The following SOX5 variants were observed in gnomAD, a reference collection of about 807,000 sequenced individuals.
The protein encoded by SOX5 is SRY-box transcription factor 5.
SOX5 carries 9 observed loss-of-function variants against 92.0 expected under a neutral mutation model. The observed-to-expected ratio is 0.10, with a 90% CI of 0.06 to 0.17. The LOEUF (loss-of-function observed/expected upper bound fraction) is 0.17, where lower values mean the gene tolerates loss of function less well. Ranked by LOEUF, SOX5 falls within the 10% of genes least tolerant of loss-of-function variation. The probability of loss-of-function intolerance (pLI) is 1.00; values close to 1 mark genes in which losing one functional copy is unlikely to be tolerated. For missense variants in SOX5, 642 were observed against 944.5 expected (o/e 0.68, Z 4.20); for synonymous variants, 344 against 336.3 (o/e 1.02, Z -0.25).
intron 4 of SOX5, among the ~76,000 whole-genome samples, chr12:24,002,616 A>G (rs1951723591): frequency 7.3e-6 from 1 of 136,854 alleles, no homozygotes; most frequent in Non-Finnish European, 1.6e-5. Context: ...TTCTTCCAAA[A>G]AAAAACCTGC....
chr12:24,293,615 A>C (rs751611116), intron 2 of SOX5, among the ~76,000 whole-genome samples: 1 of 152,208 alleles, frequency 6.6e-6, no homozygotes, highest in Admixed American at 6.5e-5. Context: ...GAATCTTCAC[A>C]GATTATATAA....
rs2094595367 is a variant in SOX5, at chr12:23,762,658, A to G, written c.482-6934T>C. 22 of 483,654 alleles carry G rather than the reference A, an allele frequency of 4.5e-5. No individual in the cohort carries two copies. In the South Asian group the frequency reaches 7.7e-4, roughly 17 times the overall value. 30.0% of individuals were successfully genotyped at this position (483,654 alleles called of 1,614,324 possible). A position where few individuals can be genotyped will look rare whatever the true frequency, so the allele number is the denominator to read the frequency against. ...GCTGACTCAAGTTTTACAATTTTTA[A>G]TGTGAAGTTTTTAGAAAAATGTAAT... On this transcript the variant is annotated intron_variant, in intron 3 of 14. Transcript: ENST00000451604.
chr12:23,633,553 G>C (rs1489874554), intron 8 of SOX5, among the ~76,000 whole-genome samples: 1 of 151,888 alleles, frequency 6.6e-6, no homozygotes, highest in African/African-American at 2.4e-5. Flanking sequence ...TAATAAATAA[G>C]TAAATATCTA....
intron 13 of SOX5, among the ~76,000 whole-genome samples, chr12:23,538,715 G>C (rs548959261): frequency 6.6e-6 from 1 of 151,498 alleles, no homozygotes; most frequent in South Asian, 2.1e-4. Context: ...GGAATACACT[G>C]ATAAATGGAT....
At chr12:24,209,396 A>C (rs1958354035) in intron 4 of SOX5, among the ~76,000 whole-genome samples, 1 of 152,242 alleles carries the variant, frequency 6.6e-6, no homozygotes, top group African/African-American at 2.4e-5. Context: ...AATGATTCTT[A>C]TTCTTATGAC....
At chr12:24,118,073 A>G (rs1948242686) in intron 4 of SOX5, among the ~76,000 whole-genome samples, 1 of 151,340 alleles carries the variant, frequency 6.6e-6, no homozygotes. Context: ...AACAGAGAGT[A>G]GAAAAGTGGT....
At chr12:24,140,028 A>G (rs2138639020) in intron 4 of SOX5, among the ~76,000 whole-genome samples, 1 of 152,324 alleles carries the variant, frequency 6.6e-6, no homozygotes, top group East Asian at 1.9e-4. Context: ...TGTTTTTCCT[A>G]AATGAACAGA....
intron 7 of SOX5, among the ~76,000 whole-genome samples, chr12:23,664,955 A>G (rs190373501): frequency 6.6e-6 from 1 of 152,292 alleles, no homozygotes; most frequent in Admixed American, 6.5e-5. Flanking sequence ...AGCACTTCAC[A>G]ATATGAAGGA....
chr12:24,095,122 CACACACAGAGAGAGAG>C (rs776392699), intron 4 of SOX5, among the ~76,000 whole-genome samples: 40 of 93,978 alleles, frequency 4.3e-4, no homozygotes, highest in South Asian at 9.3e-4. Flanking sequence ...CACACACACA[CACACACAGAGAGAGAG>C]AGAGAGAGAG....
intron 4 of SOX5, among the ~76,000 whole-genome samples, chr12:23,750,524 C>T (rs2094148994): frequency 6.6e-6 from 1 of 151,654 alleles, no homozygotes; most frequent in Admixed American, 6.6e-5. Flanking sequence ...ATTGCATTAC[C>T]CAATAGTCTG....
intron 1 of SOX5, among the ~76,000 whole-genome samples, chr12:24,409,966 C>T (rs74888294): frequency 6.7e-6 from 1 of 149,294 alleles, no homozygotes; most frequent in African/African-American, 2.4e-5. Flanking sequence ...TGTAGCTTGG[C>T]TTTTCGTCCT....
intron 6 of SOX5, among the ~76,000 whole-genome samples, chr12:23,721,235 G>A (rs963437852): frequency 4.0e-5 from 6 of 151,888 alleles, no homozygotes; most frequent in Admixed American, 6.6e-5. Context: ...ACAGGCATGC[G>A]CCACCATGCC....
intron 1 of SOX5, among the ~76,000 whole-genome samples, chr12:23,948,600 C>CTT (rs879891525): frequency 7.1e-6 from 1 of 141,548 alleles, no homozygotes; most frequent in Non-Finnish European, 1.6e-5. Flanking sequence ...CTTTTTTTAG[C>CTT]TTTTTTTTTT....
rs1486398409 is a variant in SOX5, at chr12:24,348,361, C to T, written c.-174+20202G>A. On this transcript the variant is annotated intron_variant, in intron 2 of 4. Coordinates refer to the SOX5 transcript ENST00000446891. ...TGCCTCTATGTTGCAGCTCTATTGA[C>T]TCCTATTTATTTATTTATTTATTTA... is the stretch of plus-strand genomic sequence containing the variant. 8.8e-5 allele frequency among the ~76,000 whole-genome samples: 5 copies of T among 57,108 alleles called. 1 individual carries two copies. Among genetic ancestry groups the T allele is most frequent in the Admixed American group, 8.4e-4 (5 of 5,980 alleles). 37.5% of individuals were successfully genotyped at this position (57,108 alleles called of 152,430 possible).
chr12:23,644,300 A>T (rs1174405061), intron 7 of SOX5, among the ~76,000 whole-genome samples: 1 of 152,186 alleles, frequency 6.6e-6, no homozygotes, highest in African/African-American at 2.4e-5. Context: ...ACCCAGGCCA[A>T]GCCTAGAGAT....
At chr12:23,892,504 G>C (rs2097138962) in intron 2 of SOX5, among the ~76,000 whole-genome samples, 1 of 152,146 alleles carries the variant, frequency 6.6e-6, no homozygotes, top group Admixed American at 6.5e-5. Flanking sequence ...ATGTGCAACA[G>C]AGCCCACATT....
At chr12:24,124,447 T>A (rs1300609135) in intron 4 of SOX5, among the ~76,000 whole-genome samples, 1 of 151,950 alleles carries the variant, frequency 6.6e-6, no homozygotes, top group Non-Finnish European at 1.5e-5. Context: ...GACACTTCAG[T>A]CATTCCTCCA....
At chr12:24,296,030 C>T (rs1947198205) in intron 2 of SOX5, among the ~76,000 whole-genome samples, 2 of 152,090 alleles carry the variant, frequency 1.3e-5, no homozygotes, top group Non-Finnish European at 2.9e-5. Flanking sequence ...TATGTCTCAT[C>T]CTTAAAATCT....
intron 2 of SOX5, among the ~76,000 whole-genome samples, chr12:24,311,426 G>A (rs1025471886): frequency 6.6e-6 from 1 of 152,040 alleles, no homozygotes; most frequent in Admixed American, 6.6e-5. Context: ...CAATGGCTGA[G>A]TTAAATATAT....
Sources: gnomAD v4.1 joint callset for allele counts (sites outside exome capture counted in the v4.1 genomes callset) on GRCh38, gnomAD v4.1.1 for gene constraint, MANE v1.5 for transcripts, NCBI Gene and HGNC (gene_info 2026-07-23, HGNC 2026-07-21) for gene names.